SERGEF: variants seen among roughly 807,000 people sequenced by gnomAD.
The protein encoded by SERGEF is secretion-regulating guanine nucleotide exchange factor.
In SERGEF, 51 loss-of-function variants were observed where a neutral mutation model predicts 50.0. That is an observed-to-expected ratio of 1.02 (90% CI 0.81 to 1.29). The LOEUF (loss-of-function observed/expected upper bound fraction) is 1.29, where lower values mean the gene tolerates loss of function less well. SERGEF is among the 50% of genes most tolerant of loss of function. SERGEF has a pLI of 0.00. For synonymous variants in SERGEF, 205 were observed against 212.4 expected, an observed-to-expected ratio of 0.97 and a Z score of 0.30; for missense variants, 521 against 557.0, an observed-to-expected ratio of 0.94 and a Z score of 0.65.
chr11:17,833,409 A>C (rs1850346610), intron 10 of SERGEF, among the ~76,000 whole-genome samples: 1 of 152,212 alleles, frequency 6.6e-6, no homozygotes, highest in Non-Finnish European at 1.5e-5. Context: ...AGTTTGCTGT[A>C]GGGGTGGGGT....
intron 9 of SERGEF, among the ~76,000 whole-genome samples, chr11:17,933,695 T>A (rs1852396124): frequency 6.9e-6 from 1 of 145,830 alleles, no homozygotes; most frequent in Non-Finnish European, 1.5e-5. Context: ...AAACTACTTG[T>A]AAAATACTTT....
At chr11:17,953,407 T>C (rs1370890381) in intron 9 of SERGEF, among the ~76,000 whole-genome samples, 1 of 152,230 alleles carries the variant, frequency 6.6e-6, no homozygotes, top group Non-Finnish European at 1.5e-5. Flanking sequence ...GCTAAAGGAC[T>C]ATGAGACTCA....
intron 8 of SERGEF, among the ~76,000 whole-genome samples, chr11:17,972,808 G>A (rs915446212): frequency 1.2e-4 from 18 of 151,982 alleles, no homozygotes; most frequent in African/African-American, 3.9e-4. Flanking sequence ...ATGTCCCCAC[G>A]ATTCCTCACT....
chr11:17,916,634 C>T (rs1424478426), intron 9 of SERGEF, among the ~76,000 whole-genome samples: 1 of 152,156 alleles, frequency 6.6e-6, no homozygotes. Flanking sequence ...TTAAGTGAAA[C>T]TATATAAAGG....
intron 9 of SERGEF, among the ~76,000 whole-genome samples, chr11:17,896,569 GGGGAAGGGAAGGGAAGGGGAA>G (rs1851626968): frequency 1.0e-4 from 5 of 49,070 alleles, no homozygotes; most frequent in African/African-American, 2.8e-4. Flanking sequence ...GGGAAGGGAA[GGGGAAGGGAAGGGAAGGGGAA>G]GGGAAGGGAA....
At chr11:17,966,023 T>C (rs916744603) in intron 8 of SERGEF, among the ~76,000 whole-genome samples, 1 of 152,260 alleles carries the variant, frequency 6.6e-6, no homozygotes, top group Non-Finnish European at 1.5e-5. Context: ...AGGATTTCCA[T>C]GGTTCCACAC....
intron 9 of SERGEF, among the ~76,000 whole-genome samples, chr11:17,945,999 AC>A (rs1180378583): frequency 2.0e-5 from 3 of 152,088 alleles, no homozygotes; most frequent in East Asian, 1.9e-4. Flanking sequence ...AAAACAAAAA[AC>A]AAAAACTCAA....
At chr11:17,821,160 G>T (rs1850073511) in intron 10 of SERGEF, among the ~76,000 whole-genome samples, 1 of 152,198 alleles carries the variant, frequency 6.6e-6, no homozygotes, top group South Asian at 2.1e-4. Context: ...CTCTCCTAGA[G>T]CCTCCAGAGG....
At chr11:17,918,625 G>GACACACACACAC (rs141971282) in intron 9 of SERGEF, 17 of 308,342 alleles carry the variant, frequency 5.5e-5, no homozygotes, top group African/African-American at 1.7e-4. Flanking sequence ...AGCAGGAACA[G>GACACACACACAC]ACACACACAC....
chr11:17,800,999 T>C (rs932521536), intron 10 of SERGEF, among the ~76,000 whole-genome samples: 1 of 151,740 alleles, frequency 6.6e-6, no homozygotes, highest in African/African-American at 2.4e-5. Flanking sequence ...ATCAAGACCA[T>C]CCTGGCTAAC....
intron 8 of SERGEF, among the ~76,000 whole-genome samples, chr11:17,973,111 G>C (rs769421537): frequency 3.9e-5 from 6 of 152,188 alleles, no homozygotes; most frequent in African/African-American, 7.2e-5. Context: ...GCTAAAGCTG[G>C]GAATGCGACT....
intron 9 of SERGEF, among the ~76,000 whole-genome samples, chr11:17,952,019 GA>G (rs1852783864): frequency 6.6e-6 from 1 of 152,068 alleles, no homozygotes; most frequent in Admixed American, 6.6e-5. Context: ...ATCTAACCAC[GA>G]AGATTTAAGC....
intron 10 of SERGEF, among the ~76,000 whole-genome samples, chr11:17,842,614 A>C (rs1477865531): frequency 1.3e-5 from 2 of 152,230 alleles, no homozygotes; most frequent in African/African-American, 2.4e-5. Flanking sequence ...AACCTTGGTC[A>C]AACTTGAAAG....
At chr11:17,881,983 A>G (rs1419783500) in intron 9 of SERGEF, among the ~76,000 whole-genome samples, 2 of 152,178 alleles carry the variant, frequency 1.3e-5, no homozygotes, top group African/African-American at 2.4e-5. Context: ...TGAACCTTCA[A>G]ACCAAATAAT....
Position 18,004,433 on chromosome 11 carries a change from G to A in SERGEF, c.447+8C>T, listed in dbSNP as rs1430623172. The A allele has an allele frequency of 6.2e-7, 1 of 1,604,376 alleles. No homozygotes were observed. The highest frequency in any genetic ancestry group is 1.3e-5 in the African/African-American group (1 of 74,684). ...GTCATGGGCAAGCTAAATATTAACTGTCCTCACCTCAATGGCCTGGGGAAC... is the reference window on the plus strand; with the variant it reads ...GTCATGGGCAAGCTAAATATTAACTATCCTCACCTCAATGGCCTGGGGAAC... On this transcript the variant is annotated splice_region_variant and intron_variant, in intron 4 of 10. Coordinates refer to ENST00000265965, the MANE Select transcript of SERGEF (RefSeq NM_012139.4).
At position 17,992,920 on chromosome 11, in the gene SERGEF, C is replaced by T. The variant is rs958720521; in HGVS notation, c.685+11G>A. 1.2e-6 allele frequency: 2 copies of T among 1,612,414 alleles called. No individual in the cohort carries two copies. Among genetic ancestry groups the T allele is most frequent in the African/African-American group, 1.3e-5 (1 of 74,994 alleles). ...AATGGCATGTTAAACCGTGAAAGAG[C>T]TGGTACCTACCTGTTAATGAAGCTG... On this transcript the variant is annotated intron_variant, in intron 7 of 10. Coordinates refer to ENST00000265965, the MANE Select transcript of SERGEF (RefSeq NM_012139.4).
In SERGEF at chr11:17,924,893, C is replaced by A. The variant is rs571486606; in HGVS notation, c.1011+34577G>T. Among the ~76,000 whole-genome samples the A allele has an allele frequency of 3.9e-4, 59 of 152,228 alleles. 1 individual carries two copies. The highest frequency in any genetic ancestry group is 1.3e-3 in the African/African-American group (52 of 41,538). ...TAGAGGAGCATGAATATGGAAAATT[C>A]CAGCTGAAAACTTTGACCGCATGAA... On this transcript the variant is annotated intron_variant, in intron 9 of 10. Transcript: ENST00000265965.
intron 4 of SERGEF, among the ~76,000 whole-genome samples, chr11:18,003,797 C>A (rs890524534): frequency 6.6e-6 from 1 of 152,122 alleles, no homozygotes; most frequent in Non-Finnish European, 1.5e-5. Context: ...TAGTACTCAC[C>A]AGGGGCTGAG....
At chr11:17,987,032 A>T (rs1853614782) in intron 8 of SERGEF, among the ~76,000 whole-genome samples, 1 of 152,236 alleles carries the variant, frequency 6.6e-6, no homozygotes, top group Non-Finnish European at 1.5e-5. Flanking sequence ...GCTTACACCT[A>T]TCTACATATT....
Sources: gnomAD v4.1 joint callset for allele counts (sites outside exome capture counted in the v4.1 genomes callset) on GRCh38, gnomAD v4.1.1 for gene constraint, MANE v1.5 for transcripts, NCBI Gene and HGNC (gene_info 2026-07-23, HGNC 2026-07-21) for gene names.